Variants in RBFOX1 observed in about 807,000 individuals in gnomAD.
The protein encoded by RBFOX1 is RNA binding fox-1 homolog 1.
Under a neutral mutation model 57.7 loss-of-function variants are expected in RBFOX1, and 8 were observed. The observed-to-expected ratio is 0.14, with a 90% CI of 0.08 to 0.25. RBFOX1 has a LOEUF of 0.25. Among genes scored for constraint, RBFOX1 ranks in the 10% least tolerant of loss-of-function variants. The probability of loss-of-function intolerance (pLI) is 1.00; values close to 1 mark genes in which losing one functional copy is unlikely to be tolerated. For missense variants in RBFOX1, 611 were observed against 548.5 expected (o/e 1.11, Z -1.14); for synonymous variants, 326 against 222.4 (o/e 1.47, Z -4.15).
intron 4 of RBFOX1, among the ~76,000 whole-genome samples, chr16:7,175,013 C>A (rs747323391): frequency 6.6e-6 from 1 of 151,810 alleles, no homozygotes; most frequent in Non-Finnish European, 1.5e-5. Context: ...TGTTGAGCAT[C>A]TTTTCAGGTG....
chr16:5,651,006 C>G (rs1218293951), intron 3 of RBFOX1, among the ~76,000 whole-genome samples: 3 of 141,882 alleles, frequency 2.1e-5, no homozygotes, highest in Non-Finnish European at 3.0e-5. Context: ...CTCTCCCTTT[C>G]TCTTCCCTTC....
At chr16:7,251,668 C>T (rs369838969) in intron 4 of RBFOX1, among the ~76,000 whole-genome samples, 1 of 152,136 alleles carries the variant, frequency 6.6e-6, no homozygotes, top group Non-Finnish European at 1.5e-5. Context: ...GATCTGCTCA[C>T]CTCAGCCTCG....
chr16:7,289,614 C>G (rs1323314723), intron 4 of RBFOX1, among the ~76,000 whole-genome samples: 2 of 152,136 alleles, frequency 1.3e-5, no homozygotes, highest in African/African-American at 4.8e-5. Flanking sequence ...TCATAGTCAT[C>G]ACCATCATCA....
At chr16:6,957,651 C>A (rs114864928) in intron 3 of RBFOX1, among the ~76,000 whole-genome samples, 1 of 152,078 alleles carries the variant, frequency 6.6e-6, no homozygotes. Flanking sequence ...GTGCCGACAT[C>A]CTGTCTCATC....
At chr16:6,852,787 C>G (rs1055652463) in intron 3 of RBFOX1, among the ~76,000 whole-genome samples, 2 of 151,844 alleles carry the variant, frequency 1.3e-5, no homozygotes, top group African/African-American at 4.8e-5. Context: ...GAGGTACATG[C>G]TGGGAACTAG....
intron 10 of RBFOX1, among the ~76,000 whole-genome samples, chr16:7,628,409 G>C (rs948099038): frequency 6.6e-6 from 1 of 152,072 alleles, no homozygotes; most frequent in African/African-American, 2.4e-5. Context: ...AGTCACACAG[G>C]AGTACTCATT....
chr16:5,788,885 C>G (rs1286396948), intron 3 of RBFOX1, among the ~76,000 whole-genome samples: 1 of 152,072 alleles, frequency 6.6e-6, no homozygotes, highest in Admixed American at 6.5e-5. Flanking sequence ...TGAAAAGCCC[C>G]CATCCTGTTG....
chr16:7,608,979 G>C (rs896543739), intron 10 of RBFOX1, among the ~76,000 whole-genome samples: 1 of 152,080 alleles, frequency 6.6e-6, no homozygotes, highest in Non-Finnish European at 1.5e-5. Context: ...TTCTGGGATC[G>C]GGGGCATGGC....
chr16:5,632,492 T>C (rs778309136), intron 3 of RBFOX1: 1 of 152,180 alleles, frequency 6.6e-6, no homozygotes, highest in Non-Finnish European at 1.5e-5. Context: ...ATCATTTTTG[T>C]TGTTGTTGTA....
At chr16:7,258,942 A>G (rs550082271) in intron 4 of RBFOX1, among the ~76,000 whole-genome samples, 2 of 152,312 alleles carry the variant, frequency 1.3e-5, no homozygotes, top group African/African-American at 4.8e-5. Context: ...AGATGGAAGA[A>G]AGATGGGTCC....
At chr16:5,973,886 C>G (rs1033888397) in intron 4 of RBFOX1, among the ~76,000 whole-genome samples, 2 of 152,176 alleles carry the variant, frequency 1.3e-5, no homozygotes, top group African/African-American at 2.4e-5. Context: ...TTAAACTTCA[C>G]TTCGTAGGGC....
At chr16:5,559,886 C>G (rs922707002) in intron 2 of RBFOX1, among the ~76,000 whole-genome samples, 9 of 139,392 alleles carry the variant, frequency 6.5e-5, no homozygotes, top group African/African-American at 2.3e-4. Context: ...GTGCTGTACT[C>G]CAGCCATCCT....
intron 3 of RBFOX1, among the ~76,000 whole-genome samples, chr16:6,724,902 C>G (rs747565730): frequency 6.6e-6 from 1 of 152,090 alleles, no homozygotes; most frequent in Admixed American, 6.6e-5. Context: ...AGGGTAACTT[C>G]CTGACCTTGC....
chr16:6,700,906 C>G (rs184420585), intron 3 of RBFOX1, among the ~76,000 whole-genome samples: 1 of 152,110 alleles, frequency 6.6e-6, no homozygotes, highest in African/African-American at 2.4e-5. Context: ...ATTTGCTAGT[C>G]ACGTCCTCGG....
intron 1 of RBFOX1, among the ~76,000 whole-genome samples, chr16:5,278,340 G>T (rs150009477): frequency 2.0e-5 from 3 of 152,068 alleles, no homozygotes; most frequent in Non-Finnish European, 4.4e-5. Context: ...TTCTTTTGCT[G>T]TGCAGAAGCT....
At chr16:7,553,412 T>TGGGATTACAGGCATGAG (rs2087230079) in intron 5 of RBFOX1, among the ~76,000 whole-genome samples, 1 of 152,234 alleles carries the variant, frequency 6.6e-6, no homozygotes, top group African/African-American at 2.4e-5. Context: ...TCCAAAGCAC[T>TGGGATTACAGGCATGAG]GGGATTACAG....
intron 4 of RBFOX1, among the ~76,000 whole-genome samples, chr16:7,141,845 G>T (rs569373680): frequency 6.6e-6 from 1 of 152,210 alleles, no homozygotes; most frequent in African/African-American, 2.4e-5. Flanking sequence ...CCATGCTACT[G>T]CTCTTGTTTC....
intron 4 of RBFOX1, among the ~76,000 whole-genome samples, chr16:7,110,456 G>T (rs753049559): frequency 6.6e-6 from 1 of 152,130 alleles, no homozygotes; most frequent in Non-Finnish European, 1.5e-5. Flanking sequence ...GTGGAGACAA[G>T]ACTTCAGCCA....
chr16:7,429,098 AGAGCTG>A (rs2098653137), intron 4 of RBFOX1, among the ~76,000 whole-genome samples: 1 of 152,230 alleles, frequency 6.6e-6, no homozygotes, highest in Admixed American at 6.5e-5. Context: ...ACCCGACTCC[AGAGCTG>A]GTGGGAAATC....
Sources: allele counts gnomAD v4.1 joint callset (sites outside exome capture counted in the v4.1 genomes callset), GRCh38; gene constraint gnomAD v4.1.1; transcripts MANE v1.5; gene names NCBI Gene and HGNC (gene_info 2026-07-23, HGNC 2026-07-21).